RBFOX3: variants seen among roughly 807,000 people sequenced by gnomAD.
RBFOX3 encodes RNA binding fox-1 homolog 3.
RBFOX3 carries 17 observed loss-of-function variants against 48.7 expected under a neutral mutation model. The observed-to-expected ratio is 0.35, with a 90% CI of 0.24 to 0.52. The LOEUF is 0.52. RBFOX3 is among the 20% of genes least tolerant of loss of function. RBFOX3 has a pLI of 0.94. For synonymous variants in RBFOX3, 212 were observed against 209.5 expected, an observed-to-expected ratio of 1.01 and a Z score of -0.10; for missense variants, 382 against 497.5, an observed-to-expected ratio of 0.77 and a Z score of 2.21.
At chr17:79,132,087 C>G (rs142282217) in intron 4 of RBFOX3, among the ~76,000 whole-genome samples, 1 of 152,084 alleles carries the variant, frequency 6.6e-6, no homozygotes, top group South Asian at 2.1e-4. Context: ...GGGGCTTGGT[C>G]GGCAGGTGCA....
At chr17:79,389,939 GCCAGGTCTCCGCAGCCT>G (rs1011666760) in intron 2 of RBFOX3, among the ~76,000 whole-genome samples, 10 of 152,160 alleles carry the variant, frequency 6.6e-5, no homozygotes, top group Non-Finnish European at 1.5e-4. Flanking sequence ...AGCAACCAGA[GCCAGGTCTCCGCAGCCT>G]CCAGGTCTCT....
chr17:79,422,152 C>T (rs1405150158), intron 2 of RBFOX3, among the ~76,000 whole-genome samples: 1 of 152,058 alleles, frequency 6.6e-6, no homozygotes, highest in Admixed American at 6.5e-5. Flanking sequence ...AGAAGGCCCT[C>T]TGATGATAGC....
rs1034857429 is a variant in RBFOX3 at position 79,383,068 on chromosome 17, A to T, written c.-174-75244T>A. Among the ~76,000 whole-genome samples, 6 of 145,298 alleles carry T rather than the reference A, an allele frequency of 4.1e-5. No homozygotes were observed. In the Admixed American group the frequency reaches 4.2e-4, roughly 10 times the overall value. On this transcript the variant is annotated intron_variant, in intron 2 of 14. Coordinates refer to ENST00000693108, the MANE Select transcript of RBFOX3 (RefSeq NM_001350451.2). The stretch of plus-strand genomic sequence containing the variant: ...CACACACACACACACACACACACAC[A>T]CACACAGTGTGTAGAATCAATACCG...
At chr17:79,171,969 T>C (rs564279839) in intron 4 of RBFOX3, among the ~76,000 whole-genome samples, 3 of 150,586 alleles carry the variant, frequency 2.0e-5, no homozygotes, top group South Asian at 2.1e-4. Context: ...GTCAGGAGAG[T>C]TCGAGACCAG....
intron 3 of RBFOX3, among the ~76,000 whole-genome samples, chr17:79,255,830 C>A (rs1200675309): frequency 6.6e-6 from 1 of 151,598 alleles, no homozygotes; most frequent in Non-Finnish European, 1.5e-5. Flanking sequence ...TCCTGTACAT[C>A]CCAGGGACGG....
intron 2 of RBFOX3, among the ~76,000 whole-genome samples, chr17:79,466,307 A>G (rs1382544085): frequency 6.6e-6 from 1 of 152,206 alleles, no homozygotes; most frequent in African/African-American, 2.4e-5. Flanking sequence ...GTGATCAGGA[A>G]GAGTCCTGGG....
chr17:79,119,847 C>T lies in RBFOX3; in HGVS notation c.-33-4099G>A, dbSNP rs1447779669. On this transcript the variant is annotated intron_variant, in intron 4 of 14. Transcript: ENST00000693108. Reference sequence around the variant, plus strand: ...TCCCAGTCACCTAGAGAAGTGTCCACACCTGGGCCGCACTCCTGAACAACA... The same window carrying T: ...TCCCAGTCACCTAGAGAAGTGTCCATACCTGGGCCGCACTCCTGAACAACA... Among the ~76,000 whole-genome samples, 4 of 152,190 alleles carry T rather than the reference C, an allele frequency of 2.6e-5. 1 individual carries two copies. The highest frequency in any genetic ancestry group is 6.5e-5 in the Admixed American group (1 of 15,282).
At chr17:79,620,932 C>T in the RBFOX3 span, among the ~76,000 whole-genome samples, 1 of 152,168 alleles carries the variant, frequency 6.6e-6, no homozygotes, top group Non-Finnish European at 1.5e-5. Context: ...TTCTTCTACG[C>T]CGTTCCTGGG....
chr17:79,367,104 C>A (rs1268104141), intron 2 of RBFOX3, among the ~76,000 whole-genome samples: 5 of 152,058 alleles, frequency 3.3e-5, no homozygotes, highest in African/African-American at 1.2e-4. Flanking sequence ...CTCGCTCCCA[C>A]ATGAGTGCTG....
Position 79,211,979 on chromosome 17 carries a change from C to T in RBFOX3, c.-34+23787G>A, listed in dbSNP as rs530265879. ...CCCTGCCCACAAGGAACTCCCCCAG[C>T]GGGCCCAGGAGGTTGTGGCCAGGCC... On this transcript the variant is annotated intron_variant, in intron 4 of 14. Coordinates refer to ENST00000693108, the MANE Select transcript of RBFOX3 (RefSeq NM_001350451.2). Among the ~76,000 whole-genome samples the T allele has an allele frequency of 2.0e-5, 3 of 152,288 alleles. No individual in the cohort carries two copies. In the East Asian group the frequency reaches 5.8e-4, roughly 29 times the overall value.
At chr17:79,295,329 A>T (rs1460865365) in intron 3 of RBFOX3, among the ~76,000 whole-genome samples, 1 of 152,248 alleles carries the variant, frequency 6.6e-6, no homozygotes, top group East Asian at 1.9e-4. Context: ...GATGAGACAC[A>T]GCTGCCAGGT....
At chr17:79,568,062 C>A (rs985413692) in intron 1 of RBFOX3, among the ~76,000 whole-genome samples, 2 of 152,190 alleles carry the variant, frequency 1.3e-5, no homozygotes, top group Admixed American at 6.5e-5. Context: ...CGTGTACTTG[C>A]GCTGGGTACT....
chr17:79,231,912 AT>A, intron 4 of RBFOX3, among the ~76,000 whole-genome samples: 1 of 152,194 alleles, frequency 6.6e-6, no homozygotes, highest in Non-Finnish European at 1.5e-5. Context: ...AGACTGAGTA[AT>A]TTATAAAGGA....
At chr17:79,211,075 G>A (rs2058316758) in intron 4 of RBFOX3, among the ~76,000 whole-genome samples, 1 of 151,630 alleles carries the variant, frequency 6.6e-6, no homozygotes, top group Non-Finnish European at 1.5e-5. Flanking sequence ...GCAACCCACA[G>A]CAGGAGCTCC....
At chr17:79,451,474 A>G (rs2073497439) in intron 2 of RBFOX3, among the ~76,000 whole-genome samples, 1 of 152,212 alleles carries the variant, frequency 6.6e-6, no homozygotes, top group Non-Finnish European at 1.5e-5. Flanking sequence ...AATCTTCCCT[A>G]GAGACAAATC....
At chr17:79,572,722 G>A (rs1024693370) in intron 1 of RBFOX3, among the ~76,000 whole-genome samples, 9 of 152,178 alleles carry the variant, frequency 5.9e-5, no homozygotes, top group Non-Finnish European at 4.4e-5. Flanking sequence ...GTTTGCAAAC[G>A]TGCGTGTTTC....
intron 3 of RBFOX3, among the ~76,000 whole-genome samples, chr17:79,270,139 A>G (rs1434042880): frequency 1.3e-5 from 2 of 151,792 alleles, no homozygotes; most frequent in Middle Eastern, 3.4e-3. Flanking sequence ...TCCCTTTGCC[A>G]TTGGCTCCTC....
intron 1 of RBFOX3, among the ~76,000 whole-genome samples, chr17:79,486,601 C>T (rs952231003): frequency 3.0e-4 from 45 of 152,302 alleles, no homozygotes; most frequent in Non-Finnish European, 1.8e-4. Flanking sequence ...CCACCTGCTT[C>T]CTCAGGATCT....
chr17:79,508,218 G>C (rs2083462346), intron 1 of RBFOX3, among the ~76,000 whole-genome samples: 1 of 152,044 alleles, frequency 6.6e-6, no homozygotes, highest in Non-Finnish European at 1.5e-5. Context: ...GGGCCGCTGG[G>C]AAGAGCAGGT....
Sources: gnomAD v4.1 joint callset for allele counts (sites outside exome capture counted in the v4.1 genomes callset) on GRCh38, gnomAD v4.1.1 for gene constraint, MANE v1.5 for transcripts, NCBI Gene and HGNC (gene_info 2026-07-23, HGNC 2026-07-21) for gene names.